WDPCP: variants seen among roughly 807,000 people sequenced by gnomAD.
WDPCP encodes the protein WD repeat containing planar cell polarity effector.
In WDPCP, 71 loss-of-function variants were observed where a neutral mutation model predicts 93.1. That is an observed-to-expected ratio of 0.76 (90% CI 0.63 to 0.93). The LOEUF is 0.93. Among genes scored for constraint, WDPCP ranks in the 40% least tolerant of loss-of-function variants. The pLI is 0.00. For missense variants in WDPCP, 844 were observed against 887.4 expected (o/e 0.95, Z 0.62); for synonymous variants, 315 against 315.0 (o/e 1.00, Z 0.00).
intron 3 of WDPCP, chr2:63,604,577 G>C: frequency 1.3e-6 from 1 of 775,744 alleles, no homozygotes; most frequent in Non-Finnish European, 2.0e-6. Flanking sequence ...TATAACTCTT[G>C]TGTTCTCTTG....
At chr2:63,316,335 T>C (rs1686637418) in intron 12 of WDPCP, among the ~76,000 whole-genome samples, 1 of 151,878 alleles carries the variant, frequency 6.6e-6, no homozygotes, top group Non-Finnish European at 1.5e-5. Context: ...ATTTAAAATA[T>C]CCACATTTGT....
At chr2:63,461,205 A>G (rs534466288) in intron 6 of WDPCP, among the ~76,000 whole-genome samples, 60 of 151,906 alleles carry the variant, frequency 3.9e-4, no homozygotes, top group Admixed American at 1.8e-3. Flanking sequence ...GTCCCCACCC[A>G]AATCTCATGT....
intron 2 of WDPCP, among the ~76,000 whole-genome samples, chr2:63,715,581 T>C (rs1488808132): frequency 6.6e-6 from 1 of 152,244 alleles, no homozygotes; most frequent in African/African-American, 2.4e-5. Flanking sequence ...TTCTTTTCTC[T>C]GACAGCTACA....
Position 63,433,804 on chromosome 2 carries a change from A to C in WDPCP, c.766T>G (p.Ser256Ala), listed in dbSNP as rs1261685009. ...NDDAWPWAPI[S>A]SEKDRANLLL... ...AGATTGGCTCTGTCCTTCTCAGAAGAAATGGGGGCCCAAGGCCAAGCATCA... is the reference window on the plus strand; with the variant it reads ...AGATTGGCTCTGTCCTTCTCAGAAGCAATGGGGGCCCAAGGCCAAGCATCA... Residue 256 changes from serine (S) to alanine (A), a missense_variant, in exon 9 of 18, where the codon TCT becomes GCT. Transcript: ENST00000272321. 1 of 1,612,400 alleles carries C rather than the reference A, an allele frequency of 6.2e-7. No individual in the cohort carries two copies. Among genetic ancestry groups the C allele is most frequent in the East Asian group, 2.2e-5 (1 of 44,882 alleles).
At chr2:63,690,463 A>C (rs1488713673) in intron 2 of WDPCP, among the ~76,000 whole-genome samples, 4 of 151,992 alleles carry the variant, frequency 2.6e-5, no homozygotes. Context: ...AACAGCAAAA[A>C]CTTCAAGCAG....
At chr2:63,567,033 G>A (rs879592757) in intron 1 of WDPCP, among the ~76,000 whole-genome samples, 10 of 152,200 alleles carry the variant, frequency 6.6e-5, no homozygotes, top group Non-Finnish European at 1.5e-4. Context: ...GTTGTGGGGA[G>A]AAAGGTTAGG....
chr2:63,386,340 T>TA (rs1251129948), intron 10 of WDPCP, among the ~76,000 whole-genome samples: 3 of 151,900 alleles, frequency 2.0e-5, no homozygotes, highest in South Asian at 2.1e-4. Context: ...AAAATATACA[T>TA]AAAAAATCTC....
chr2:63,392,004 A>T (rs1190998375), intron 10 of WDPCP, among the ~76,000 whole-genome samples: 1 of 152,144 alleles, frequency 6.6e-6, no homozygotes, highest in African/African-American at 2.4e-5. Context: ...CAAGCTACCA[A>T]TGACTTTCTT....
chr2:63,830,124 T>C (rs1210539464), upstream of WDPCP, among the ~76,000 whole-genome samples: 1 of 152,156 alleles, frequency 6.6e-6, no homozygotes, highest in Non-Finnish European at 1.5e-5. Flanking sequence ...ATAAATATGT[T>C]TAAGGTTTTT....
chr2:63,399,962 T>C (rs915020497), intron 10 of WDPCP, among the ~76,000 whole-genome samples: 2 of 152,062 alleles, frequency 1.3e-5, no homozygotes, highest in Admixed American at 1.3e-4. Context: ...GACAAGCAGA[T>C]CCATGAAAAA....
chr2:63,500,068 C>A (rs1325553270), intron 1 of WDPCP, among the ~76,000 whole-genome samples: 1 of 152,172 alleles, frequency 6.6e-6, no homozygotes, highest in Non-Finnish European at 1.5e-5. Flanking sequence ...TCCCAGGAAC[C>A]CCTTACCCAG....
At chr2:63,296,613 A>G (rs1684878104) in intron 13 of WDPCP, among the ~76,000 whole-genome samples, 2 of 152,222 alleles carry the variant, frequency 1.3e-5, no homozygotes, top group South Asian at 4.1e-4. Context: ...ATACAAAATC[A>G]ACATACAGAA....
At chr2:63,197,047 A>C (rs1445272747) in intron 14 of WDPCP, among the ~76,000 whole-genome samples, 2 of 152,162 alleles carry the variant, frequency 1.3e-5, no homozygotes, top group African/African-American at 2.4e-5. Flanking sequence ...ATTATGATGT[A>C]TTTCCATAAA....
At chr2:63,281,784 A>G (rs1476801528) in intron 13 of WDPCP, among the ~76,000 whole-genome samples, 1 of 152,152 alleles carries the variant, frequency 6.6e-6, no homozygotes, top group Non-Finnish European at 1.5e-5. Flanking sequence ...TGACGACACA[A>G]TATTGTAAGA....
intron 2 of WDPCP, among the ~76,000 whole-genome samples, chr2:63,705,823 C>A (rs1225190782): frequency 6.6e-6 from 1 of 150,882 alleles, no homozygotes; most frequent in Admixed American, 6.6e-5. Flanking sequence ...CTGCTTGGTG[C>A]AGAGCTGAGT....
chr2:63,248,968 A>G (rs1680503802), intron 14 of WDPCP, among the ~76,000 whole-genome samples: 1 of 151,310 alleles, frequency 6.6e-6, no homozygotes, highest in Non-Finnish European at 1.5e-5. Flanking sequence ...CTCTTTGAAC[A>G]TATTTAAGGC....
intron 2 of WDPCP, among the ~76,000 whole-genome samples, chr2:63,781,567 A>T (rs541999756): frequency 1.3e-5 from 2 of 152,318 alleles, no homozygotes; most frequent in South Asian, 4.1e-4. Context: ...AACAGACATA[A>T]ATAAGACATA....
chr2:63,689,508 A>G (rs934856995), intron 2 of WDPCP, among the ~76,000 whole-genome samples: 12 of 152,140 alleles, frequency 7.9e-5, no homozygotes, highest in African/African-American at 2.9e-4. Flanking sequence ...GCTTTCAACT[A>G]TCTTCTATCA....
chr2:63,436,030 T>A (rs978534510), intron 8 of WDPCP, among the ~76,000 whole-genome samples: 1 of 152,112 alleles, frequency 6.6e-6, no homozygotes, highest in Non-Finnish European at 1.5e-5. Flanking sequence ...TACTCTTCAG[T>A]TGAGAAGATT....
Sources: gnomAD v4.1 joint callset for allele counts (sites outside exome capture counted in the v4.1 genomes callset) on GRCh38, gnomAD v4.1.1 for gene constraint, MANE v1.5 for transcripts, NCBI Gene and HGNC (gene_info 2026-07-23, HGNC 2026-07-21) for gene names.